Variants in MIA3 observed in about 807,000 individuals in gnomAD.
MIA3 encodes MIA SH3 domain ER export factor 3.
MIA3 carries 90 observed loss-of-function variants against 192.4 expected under a neutral mutation model. That is an observed-to-expected ratio of 0.47 (90% CI 0.39 to 0.56). The LOEUF is 0.56. Among genes scored for constraint, MIA3 ranks in the 20% least tolerant of loss-of-function variants. The probability of loss-of-function intolerance (pLI) is 0.00; values close to 1 mark genes in which losing one functional copy is unlikely to be tolerated. For synonymous variants in MIA3, 740 were observed against 792.8 expected, an observed-to-expected ratio of 0.93 and a Z score of 1.12; for missense variants, 2,123 against 2,269.4, an observed-to-expected ratio of 0.94 and a Z score of 1.31.
intron 18 of MIA3, among the ~76,000 whole-genome samples, chr1:222,657,982 A>G (rs1208970830): frequency 3.3e-5 from 5 of 152,242 alleles, no homozygotes; most frequent in Admixed American, 6.5e-5. Context: ...GGTAACTACA[A>G]GTAGCACTTT....
In MIA3 at chr1:222,658,797, G is replaced by A. The variant is rs756202311; in HGVS notation, c.4683G>A (p.Ser1561=). 1.7e-5 allele frequency: 28 copies of A among 1,612,708 alleles called. No homozygotes were observed. Among genetic ancestry groups the A allele is most frequent in the African/African-American group, 4.0e-5 (3 of 74,834 alleles). ...CAGCTGCAGATGAAAAGGCAGTTTCGGCTGCAGAGGAAGTAAAAACTTACA... is the reference window on the plus strand; with the variant it reads ...CAGCTGCAGATGAAAAGGCAGTTTCAGCTGCAGAGGAAGTAAAAACTTACA... The part of the protein sequence containing the change: ...RLSAADEKAV[S]AAEEVKTYKR... The change falls in exon 19 of 28, where the codon TCG becomes TCA. Residue 1561 remains serine, a synonymous_variant. Coordinates refer to ENST00000344922, the MANE Select transcript of MIA3 (RefSeq NM_198551.4).
chr1:222,664,228 A>AAGCCCCGCAATTGCAG, intron 27 of MIA3, 80 bp downstream of exon 27: 2 of 1,473,240 alleles, frequency 1.4e-6, no homozygotes, highest in Non-Finnish European at 1.9e-6. Context: ...AACAACTGCA[A>AAGCCCCGCAATTGCAG]TTGCGGGGCT....
intron 18 of MIA3, among the ~76,000 whole-genome samples, chr1:222,656,629 T>C (rs1663747165): frequency 6.6e-6 from 1 of 152,154 alleles, no homozygotes; most frequent in African/African-American, 2.4e-5. Flanking sequence ...CTGCTTGAGG[T>C]TATAAACATC....
At chr1:222,645,106 A>C (rs1663076174) in intron 6 of MIA3, among the ~76,000 whole-genome samples, 1 of 152,242 alleles carries the variant, frequency 6.6e-6, no homozygotes, top group South Asian at 2.1e-4. Context: ...TCTTAGAGGA[A>C]TAAAACGTTA....
intron 3 of MIA3, 113 bp from the exon 4 acceptor site, chr1:222,627,462 G>T (rs1160401531): frequency 2.2e-6 from 2 of 915,058 alleles, no homozygotes; most frequent in Non-Finnish European, 3.3e-6. Flanking sequence ...TGACGCAAAA[G>T]CTCCTCTAGA....
chr1:222,638,703 A>G (rs1662734131), intron 6 of MIA3, among the ~76,000 whole-genome samples: 1 of 152,176 alleles, frequency 6.6e-6, no homozygotes, highest in Admixed American at 6.5e-5. Flanking sequence ...TCTCAAGAAA[A>G]GAAAAAAAAA....
At chr1:222,648,023 T>C in intron 7 of MIA3, 1 of 253,404 alleles carries the variant, frequency 3.9e-6, no homozygotes, top group Non-Finnish European at 8.5e-6. Context: ...CAACATAACA[T>C]TTGAAAGGGA....
rs1421771425 is a variant in MIA3, at chr1:222,653,280, C to G, written c.4262C>G (p.Ser1421Cys). Reference sequence around the variant, plus strand: ...AATCTGTTAGAGTGTGAATCTGAATCTGAGGGTCAAAATAAAGGTGGAAAT... The same window carrying G: ...AATCTGTTAGAGTGTGAATCTGAATGTGAGGGTCAAAATAAAGGTGGAAAT... The part of the protein sequence containing the change: ...QLNLLECESE[S>C]EGQNKGGNDS... The change falls in exon 15 of 28, where the codon TCT becomes TGT. Residue 1421 changes from serine (S) to cysteine (C), a missense_variant. Ser to Cys is a moderately radical substitution (Grantham distance 112, BLOSUM62 -1). Transcript: ENST00000344922. 2 of 1,613,930 alleles carry G rather than the reference C, an allele frequency of 1.2e-6. No homozygotes were observed. The highest frequency in any genetic ancestry group is 8.5e-7 in the Non-Finnish European group (1 of 1,179,870).
At chr1:222,658,882 T>A (rs1388279303) in intron 19 of MIA3, 59 bp downstream of exon 19, 3 of 1,121,494 alleles carry the variant, frequency 2.7e-6, no homozygotes, top group Non-Finnish European at 4.0e-6. Context: ...TGGCTTTTTT[T>A]ATTAGCACAA....
rs758388900 is a variant in MIA3, at chr1:222,627,736, T to A, written c.516T>A (p.Ser172=). 6.2e-7 allele frequency: 1 copy of A among 1,613,038 alleles called. No homozygotes were observed. Among genetic ancestry groups the A allele is most frequent in the Non-Finnish European group, 8.5e-7 (1 of 1,179,832 alleles). The part of the protein sequence containing the change: ...LQDMEKNPEL[S]KEREPEPEPV... ...ATATGGAAAAAAACCCTGAATTATCTAAGGAAAGGGAACCTGAACCTGAAC... is the reference window on the plus strand; with the variant it reads ...ATATGGAAAAAAACCCTGAATTATCAAAGGAAAGGGAACCTGAACCTGAAC... Residue 172 remains serine, a synonymous_variant, in exon 4 of 28, where the codon TCT becomes TCA. Coordinates refer to ENST00000344922, the MANE Select transcript of MIA3 (RefSeq NM_198551.4).
intron 7 of MIA3, among the ~76,000 whole-genome samples, chr1:222,646,722 A>T (rs1663167170): frequency 6.6e-6 from 1 of 152,374 alleles, no homozygotes; most frequent in East Asian, 1.9e-4. Flanking sequence ...CGACAAAGTG[A>T]GACTCTGTCT....
At chr1:222,631,779 T>A (rs1451356416) in intron 4 of MIA3, among the ~76,000 whole-genome samples, 1 of 152,220 alleles carries the variant, frequency 6.6e-6, no homozygotes, top group East Asian at 1.9e-4. Flanking sequence ...GTACTAGTTC[T>A]GTGAGAAAGG....
At chr1:222,625,145 G>A (rs1662053094) in intron 3 of MIA3, among the ~76,000 whole-genome samples, 1 of 151,930 alleles carries the variant, frequency 6.6e-6, no homozygotes, top group Non-Finnish European at 1.5e-5. Context: ...AAGTAGCTGG[G>A]ACTATAGGCG....
At chr1:222,644,882 G>C (rs909380235) in intron 6 of MIA3, among the ~76,000 whole-genome samples, 1 of 152,006 alleles carries the variant, frequency 6.6e-6, no homozygotes, top group Non-Finnish European at 1.5e-5. Context: ...ATAACCCCCG[G>C]CTCTGTTGTG....
chr1:222,662,567 G>A (rs1175779846), intron 26 of MIA3: 1 of 1,113,332 alleles, frequency 9.0e-7, no homozygotes, highest in Non-Finnish European at 1.2e-6. Flanking sequence ...TGGGCTATAA[G>A]TTGCATGGCA....
rs747547580 is a variant in MIA3 at position 222,653,350 on chromosome 1, C to T, written c.4321+11C>T. 23 of 1,587,572 alleles carry T rather than the reference C, an allele frequency of 1.4e-5. No homozygotes were observed. The South Asian group carries it at 2.3e-4, about 16-fold the overall frequency. Reference sequence around the variant, plus strand: ...ATGGAGAAGTGGGAGGTAAGATCAGCCTCAAGGAGGATGGACCCCTTTTGC... The same window carrying T: ...ATGGAGAAGTGGGAGGTAAGATCAGTCTCAAGGAGGATGGACCCCTTTTGC... On this transcript the variant is annotated intron_variant, in intron 15 of 27. Transcript: ENST00000344922.
chr1:222,618,568 G>T, intron 1 of MIA3, among the ~76,000 whole-genome samples: 1 of 152,144 alleles, frequency 6.6e-6, no homozygotes, highest in East Asian at 1.9e-4. Flanking sequence ...TTCCCCAATA[G>T]TGGCTCACAG....
chr1:222,660,345 C>G (rs1663949345), intron 24 of MIA3, 31 bp downstream of exon 24: 2 of 1,587,424 alleles, frequency 1.3e-6, no homozygotes, highest in East Asian at 2.3e-5. Flanking sequence ...TTGCAATACT[C>G]TTTTGGGTGG....
intron 6 of MIA3, among the ~76,000 whole-genome samples, chr1:222,640,442 A>G (rs1042839703): frequency 6.6e-6 from 1 of 152,192 alleles, no homozygotes; most frequent in South Asian, 2.1e-4. Flanking sequence ...CCATTGGAAC[A>G]AAATAGAAAA....
Sources: allele counts gnomAD v4.1 joint callset (sites outside exome capture counted in the v4.1 genomes callset), GRCh38; gene constraint gnomAD v4.1.1; transcripts MANE v1.5; gene names NCBI Gene and HGNC (gene_info 2026-07-23, HGNC 2026-07-21).